The following ATL1 variants were observed in gnomAD, a reference collection of about 807,000 sequenced individuals.
ATL1 encodes atlastin-1.
Under a neutral mutation model 75.5 loss-of-function variants are expected in ATL1, and 31 were observed. The ratio of observed to expected loss-of-function variants is 0.41; its 90% CI spans 0.31 to 0.55. The LOEUF (loss-of-function observed/expected upper bound fraction) is 0.55, where lower values mean the gene tolerates loss of function less well. Among genes scored for constraint, ATL1 ranks in the 20% least tolerant of loss-of-function variants. ATL1 has a pLI of 0.27. For missense variants in ATL1, 405 were observed against 662.6 expected, an observed-to-expected ratio of 0.61 and a Z score of 4.27; for synonymous variants, 226 against 233.3, an observed-to-expected ratio of 0.97 and a Z score of 0.28.
At position 50,560,203 on chromosome 14, in the gene ATL1, C is replaced by T. The variant is rs2140172893; in HGVS notation, c.-63C>T. On this transcript the variant is annotated 5_prime_UTR_variant, in exon 1 of 14. Coordinates refer to ENST00000358385, the MANE Select transcript of ATL1 (RefSeq NM_015915.5). ...GGAGCCTCCCACCGCCAGCAACCTG[C>T]GGCCCCGGAGAAGGCAGCGAGCGCA... is the stretch of plus-strand genomic sequence containing the variant. 2 of 1,599,406 alleles carry T rather than the reference C, an allele frequency of 1.3e-6. No individual in the cohort carries two copies. The highest frequency in any genetic ancestry group is 8.5e-7 in the Non-Finnish European group (1 of 1,171,526).
chr14:50,614,283 C>G (rs1055952048), intron 7 of ATL1, 90 bp from the exon 8 acceptor site: 14 of 1,414,758 alleles, frequency 9.9e-6, no homozygotes, highest in Admixed American at 8.7e-5. Context: ...ATTGTGGGAC[C>G]AAACAGACAT....
Position 50,574,135 on chromosome 14 carries a change from G to T in ATL1, c.35-13696G>T, listed in dbSNP as rs76419209. 4.5e-3 allele frequency among the ~76,000 whole-genome samples: 691 copies of T among 152,230 alleles called. 8 individuals carry two copies. The highest frequency in any genetic ancestry group is 0.016 in the African/African-American group (660 of 41,522). On this transcript the variant is annotated intron_variant, in intron 1 of 13. Coordinates refer to ENST00000358385, the MANE Select transcript of ATL1 (RefSeq NM_015915.5). Reference sequence around the variant, plus strand: ...GGGACTGAATATCCTTATACTCCGTGCCTGTTCCAAAGCTCTATCACATAT... The same window carrying T: ...GGGACTGAATATCCTTATACTCCGTTCCTGTTCCAAAGCTCTATCACATAT...
chr14:50,620,119 A>T (rs2039453261), intron 8 of ATL1, among the ~76,000 whole-genome samples: 1 of 152,066 alleles, frequency 6.6e-6, no homozygotes, highest in South Asian at 2.1e-4. Context: ...TTAGCTGGGC[A>T]TAGTGGTGTG....
intron 5 of ATL1, among the ~76,000 whole-genome samples, chr14:50,594,265 C>G (rs190557622): frequency 1.3e-5 from 2 of 152,066 alleles, no homozygotes; most frequent in Non-Finnish European, 2.9e-5. Context: ...GCGAGAACAG[C>G]GAGAACAGAG....
intron 6 of ATL1, among the ~76,000 whole-genome samples, chr14:50,602,569 T>C (rs1218925057): frequency 6.6e-6 from 1 of 152,116 alleles, no homozygotes; most frequent in Non-Finnish European, 1.5e-5. Flanking sequence ...TGTCAATACA[T>C]TTCTCAGTGG....
intron 1 of ATL1, among the ~76,000 whole-genome samples, chr14:50,582,019 G>A (rs958303589): frequency 2.0e-5 from 3 of 152,126 alleles, no homozygotes; most frequent in African/African-American, 7.2e-5. Flanking sequence ...GGTGGCTCAT[G>A]ACTGTAATCC....
chr14:50,595,534 C>T, intron 5 of ATL1, 42 bp from the exon 6 acceptor site: 1 of 1,596,332 alleles, frequency 6.3e-7, no homozygotes, highest in Non-Finnish European at 8.6e-7. Flanking sequence ...CTCTCTCTCT[C>T]TCTCTCTCTG....
chr14:50,630,241 T>A (rs2039567161), intron 13 of ATL1, among the ~76,000 whole-genome samples: 2 of 152,220 alleles, frequency 1.3e-5, no homozygotes. Context: ...AAGAATTGAA[T>A]ATCATCAGTA....
chr14:50,596,770 T>C (rs2039221504), intron 6 of ATL1, among the ~76,000 whole-genome samples: 1 of 152,230 alleles, frequency 6.6e-6, no homozygotes, highest in Non-Finnish European at 1.5e-5. Flanking sequence ...ATGAAAATAC[T>C]GCAAATTGAG....
At chr14:50,543,311 A>G (rs1476734851) in intron 1 of ATL1, among the ~76,000 whole-genome samples, 4 of 152,256 alleles carry the variant, frequency 2.6e-5, no homozygotes, top group African/African-American at 9.6e-5. Flanking sequence ...TTGACAGATA[A>G]GTCAACCATC....
At chr14:50,541,775 T>C (rs1371286430) in intron 1 of ATL1, among the ~76,000 whole-genome samples, 7 of 151,594 alleles carry the variant, frequency 4.6e-5, no homozygotes, top group South Asian at 2.1e-4. Context: ...AATCCCAGCA[T>C]TTAGGGAGGC....
At chr14:50,574,643 C>T (rs1254117660) in intron 1 of ATL1, among the ~76,000 whole-genome samples, 1 of 151,978 alleles carries the variant, frequency 6.6e-6, no homozygotes, top group African/African-American at 2.4e-5. Flanking sequence ...TTGTGCCTTC[C>T]ATCTGTTCTT....
At chr14:50,575,014 C>G (rs988567814) in intron 1 of ATL1, among the ~76,000 whole-genome samples, 5 of 136,084 alleles carry the variant, frequency 3.7e-5, no homozygotes, top group Admixed American at 1.5e-4. Context: ...AAGACTATCT[C>G]TTTTTTCCTC....
upstream of ATL1, chr14:50,559,963 C>T: frequency 4.3e-6 from 2 of 467,866 alleles, no homozygotes; most frequent in South Asian, 2.6e-5. Context: ...TTGTGTTTTC[C>T]GTTGAAAATG....
chr14:50,560,380 G>A (rs2038822277), intron 1 of ATL1, 81 bp downstream of exon 1: 2 of 1,541,910 alleles, frequency 1.3e-6, no homozygotes. Flanking sequence ...GACAGGGAGG[G>A]CCAAGGGCTG....
chr14:50,548,252 G>T (rs1402094829), intron 1 of ATL1, among the ~76,000 whole-genome samples: 1 of 152,182 alleles, frequency 6.6e-6, no homozygotes, highest in Non-Finnish European at 1.5e-5. Context: ...GCTACTGGAG[G>T]ATATTCATTC....
intron 12 of ATL1, 53 bp from the exon 13 acceptor site, chr14:50,629,939 TTAA>T: frequency 3.6e-6 from 5 of 1,379,824 alleles, no homozygotes; most frequent in African/African-American, 1.5e-5. Context: ...TATAATGCTG[TTAA>T]TAAAGCAGGA....
At chr14:50,559,661 C>A (rs1320641739), upstream of ATL1, 1 of 152,074 alleles carries the variant, frequency 6.6e-6, no homozygotes, top group East Asian at 1.9e-4. Flanking sequence ...TTTTGCTATT[C>A]TAATTTTAAG....
intron 1 of ATL1, among the ~76,000 whole-genome samples, chr14:50,573,037 T>A (rs1218387809): frequency 1.3e-5 from 2 of 151,942 alleles, no homozygotes; most frequent in Non-Finnish European, 1.5e-5. Flanking sequence ...AACCATCAGA[T>A]CTCATGAGAA....
Sources: allele counts gnomAD v4.1 joint callset (sites outside exome capture counted in the v4.1 genomes callset), GRCh38; gene constraint gnomAD v4.1.1; transcripts MANE v1.5; gene names NCBI Gene and HGNC (gene_info 2026-07-23, HGNC 2026-07-21).